Variants in SIAH3 observed in about 807,000 individuals in gnomAD.
SIAH3 encodes seven in absentia homolog 3.
A neutral mutation model predicts 12.6 loss-of-function variants in SIAH3; 9 were observed. That is an observed-to-expected ratio of 0.72 (90% confidence interval 0.43 to 1.25). The LOEUF (loss-of-function observed/expected upper bound fraction) is 1.25. SIAH3 is among the 50% of genes most tolerant of loss of function. The pLI is 0.00. For synonymous variants in SIAH3, 154 were observed against 151.1 expected (o/e 1.02, Z -0.14); for missense variants, 390 against 365.4 (o/e 1.07, Z -0.55).
At chr13:45,850,902 C>T (rs1039496370) in intron 1 of SIAH3, among the ~76,000 whole-genome samples, 1 of 143,792 alleles carries the variant, frequency 7.0e-6, no homozygotes, top group East Asian at 2.1e-4. Context: ...AGGAAATAAG[C>T]CAAAATCCTC....
intron 1 of SIAH3, among the ~76,000 whole-genome samples, chr13:45,831,891 G>A (rs974743448): frequency 6.6e-6 from 1 of 152,350 alleles, no homozygotes; most frequent in Middle Eastern, 3.4e-3. Flanking sequence ...ATATCCCACT[G>A]CTAAGCTGCG....
rs1950710910 is a variant in SIAH3 at position 45,834,430 on chromosome 13, A to G, written c.135+17065T>C. 3.3e-5 allele frequency among the ~76,000 whole-genome samples: 5 copies of G among 152,150 alleles called. No individual in the cohort carries two copies. In the South Asian group the frequency reaches 1.0e-3, roughly 32 times the overall value. The stretch of plus-strand genomic sequence containing the variant: ...TCTCTTCTTGCTTGGAAAAGAAGGG[A>G]GAATATCCCCTGGGCCTCAAATTTC... On this transcript the variant is annotated intron_variant, in intron 1 of 1. Transcript: ENST00000400405.
intron 1 of SIAH3, among the ~76,000 whole-genome samples, chr13:45,796,289 A>G (rs985867553): frequency 5.3e-5 from 8 of 152,140 alleles, no homozygotes; most frequent in Middle Eastern, 3.4e-3. Context: ...GAACGGATGT[A>G]TGTGGCCATT....
At chr13:45,797,146 GTT>G (rs55667913) in intron 1 of SIAH3, among the ~76,000 whole-genome samples, 77,555 of 147,684 alleles carry the variant, frequency 0.53, 21,132 homozygotes, top group African/African-American at 0.64. Context: ...CTCTATGCAG[GTT>G]TTTTTTTTTT....
intron 1 of SIAH3, among the ~76,000 whole-genome samples, chr13:45,797,175 A>G (rs1950565871): frequency 1.3e-5 from 2 of 150,964 alleles, no homozygotes; most frequent in African/African-American, 2.4e-5. Flanking sequence ...ACAATTCACC[A>G]TGACTACATT....
At chr13:45,798,667 T>A (rs1030253830) in intron 1 of SIAH3, among the ~76,000 whole-genome samples, 3 of 152,248 alleles carry the variant, frequency 2.0e-5, no homozygotes, top group Non-Finnish European at 2.9e-5. Context: ...GTAACCAGTC[T>A]AATCATGGCT....
chr13:45,809,334 T>TG (rs1950608723), intron 1 of SIAH3, among the ~76,000 whole-genome samples: 4 of 2,500 alleles, frequency 1.6e-3, no homozygotes, highest in Admixed American at 9.8e-3. Flanking sequence ...GCTAGACATG[T>TG]TTTTGTGTCC....
chr13:45,836,082 T>C (rs1000569385), intron 1 of SIAH3, among the ~76,000 whole-genome samples: 2 of 152,158 alleles, frequency 1.3e-5, no homozygotes, highest in African/African-American at 4.8e-5. Context: ...GGGACACGGA[T>C]ATGCAAGTGA....
intron 1 of SIAH3, among the ~76,000 whole-genome samples, chr13:45,816,801 T>C (rs1469560533): frequency 1.3e-5 from 2 of 152,238 alleles, no homozygotes; most frequent in Non-Finnish European, 2.9e-5. Context: ...CAGCCCACGG[T>C]AACTACATGT....
chr13:45,793,496 C>A (rs560453564), intron 1 of SIAH3, among the ~76,000 whole-genome samples: 3 of 152,186 alleles, frequency 2.0e-5, no homozygotes, highest in Non-Finnish European at 4.4e-5. Context: ...CAAACTTATT[C>A]AACATCTAGT....
chr13:45,826,251 T>G (rs1950674238), intron 1 of SIAH3, among the ~76,000 whole-genome samples: 1 of 152,142 alleles, frequency 6.6e-6, no homozygotes, highest in South Asian at 2.1e-4. Flanking sequence ...CAGACCTGTT[T>G]ATGTCATTCA....
intron 1 of SIAH3, among the ~76,000 whole-genome samples, chr13:45,845,692 G>A: frequency 6.6e-6 from 1 of 152,094 alleles, no homozygotes; most frequent in East Asian, 1.9e-4. Flanking sequence ...TCTTAAAAAT[G>A]TAAATAAAGG....
In SIAH3 at chr13:45,783,387, A is replaced by G; in HGVS notation, c.806T>C (p.Met269Thr). 4 of 1,607,378 alleles carry G rather than the reference A, an allele frequency of 2.5e-6. No individual in the cohort carries two copies. The highest frequency in any genetic ancestry group is 8.5e-7 in the Non-Finnish European group (1 of 1,174,958). ...GAGCATCCGTGGCTCCTGGCCTCAC[A>G]TTTCAGCTTCTGAGGGGAGGACCTC... is the stretch of plus-strand genomic sequence containing the variant. Reference protein sequence around the residue: ...ATEVLPSEAEM With the variant: ...ATEVLPSEAET Residue 269 changes from methionine (M) to threonine (T), a missense_variant, in exon 2 of 2, where the codon ATG becomes ACG. By Grantham distance (81) the Met-to-Thr change is moderately conservative. Transcript: ENST00000400405.
intron 1 of SIAH3, among the ~76,000 whole-genome samples, chr13:45,839,359 T>C (rs1224455622): frequency 1.3e-5 from 2 of 152,334 alleles, no homozygotes; most frequent in East Asian, 3.9e-4. Context: ...GACAATCATA[T>C]GGCCCAGATT....
chr13:45,810,537 T>A (rs1529880), intron 1 of SIAH3, among the ~76,000 whole-genome samples: 1 of 151,898 alleles, frequency 6.6e-6, no homozygotes, highest in Non-Finnish European at 1.5e-5. Flanking sequence ...TAGAAAAATG[T>A]GGTGACAGGG....
At chr13:45,814,433 AC>A (rs201113441) in intron 1 of SIAH3, among the ~76,000 whole-genome samples, 2,209 of 151,904 alleles carry the variant, frequency 0.015, 24 homozygotes, top group Middle Eastern at 0.037. Flanking sequence ...TAGCAGGAAA[AC>A]CAGCACCATC....
intron 1 of SIAH3, among the ~76,000 whole-genome samples, chr13:45,816,101 G>T (rs919907803): frequency 1.3e-5 from 2 of 152,220 alleles, no homozygotes; most frequent in East Asian, 1.9e-4. Context: ...ATGGAGGCAC[G>T]ATTGGAGCCC....
rs1950783230 is a variant in SIAH3 at position 45,851,732 on chromosome 13, G to T, written c.-103C>A. 5 of 1,438,212 alleles carry T rather than the reference G, an allele frequency of 3.5e-6. No homozygotes were observed. The highest frequency in any genetic ancestry group is 2.0e-5 in the Admixed American group (1 of 50,222). The allele number at this position is 1,438,212 out of a possible 1,614,324, so 89.1% of individuals were successfully genotyped here. A position where few individuals can be genotyped will look rare whatever the true frequency, so the allele number is the denominator to read the frequency against. The stretch of plus-strand genomic sequence containing the variant: ...CCTCTGAGACACTCCGCTCCAGCCC[G>T]GCTTAGCGCGCCTTCATATTCATCA... On this transcript the variant is annotated 5_prime_UTR_variant, in exon 1 of 2. Transcript: ENST00000400405.
At chr13:45,835,237 G>T (rs1950713805) in intron 1 of SIAH3, among the ~76,000 whole-genome samples, 1 of 152,186 alleles carries the variant, frequency 6.6e-6, no homozygotes, top group East Asian at 1.9e-4. Context: ...CTCCAAAAAT[G>T]AAACTTGAAG....
Sources: gnomAD v4.1 joint callset for allele counts (sites outside exome capture counted in the v4.1 genomes callset) on GRCh38, gnomAD v4.1.1 for gene constraint, MANE v1.5 for transcripts, NCBI Gene and HGNC (gene_info 2026-07-23, HGNC 2026-07-21) for gene names.